The following TMEM33 variants were observed in gnomAD, a reference collection of about 807,000 sequenced individuals.
The protein encoded by TMEM33 is transmembrane protein 33.
Under a neutral mutation model 29.7 loss-of-function variants are expected in TMEM33, and 16 were observed. The ratio of observed to expected loss-of-function variants is 0.54; its 90% CI spans 0.36 to 0.82. The LOEUF (loss-of-function observed/expected upper bound fraction) is 0.82, where lower values mean the gene tolerates loss of function less well. Ranked by LOEUF, TMEM33 falls within the 40% of genes least tolerant of loss-of-function variation. TMEM33 has a pLI of 0.00. For synonymous variants in TMEM33, 112 were observed against 109.4 expected, an observed-to-expected ratio of 1.02 and a Z score of -0.15; for missense variants, 252 against 295.3, an observed-to-expected ratio of 0.85 and a Z score of 1.08.
rs192381689 is a variant in TMEM33 at position 41,958,521 on chromosome 4, T to C, written c.*4322T>C. On this transcript the variant is annotated 3_prime_UTR_variant, in exon 7 of 7. Coordinates refer to ENST00000504986, the MANE Select transcript of TMEM33 (RefSeq NM_018126.3). ...TTTCAGATGTGTAAAAAATGGTACT[T>C]AAAGTGTTTTCATGATCATTTTGTA... 1.4e-4 allele frequency: 21 copies of C among 151,676 alleles called. No homozygotes were observed. Among genetic ancestry groups the C allele is most frequent in the Admixed American group, 1.0e-3 (16 of 15,282 alleles). 9.4% of individuals were successfully genotyped at this position (151,676 alleles called of 1,614,324 possible). A position where few individuals can be genotyped will look rare whatever the true frequency, so the allele number is the denominator to read the frequency against.
intron 4 of TMEM33, 71 bp downstream of exon 4, chr4:41,943,885 T>G: frequency 1.4e-6 from 2 of 1,456,910 alleles, no homozygotes; most frequent in Non-Finnish European, 1.9e-6. Context: ...TCTAAGACAT[T>G]TTGGTATTTG....
intron 6 of TMEM33, 47 bp from the exon 7 acceptor site, chr4:41,954,023 A>G (rs1454968844): frequency 1.2e-6 from 2 of 1,605,468 alleles, no homozygotes; most frequent in African/African-American, 1.3e-5. Context: ...AAGCCTGTGT[A>G]TTGCTTTTTC....
chr4:41,946,248 A>G (rs1227731713), intron 5 of TMEM33, among the ~76,000 whole-genome samples: 1 of 152,074 alleles, frequency 6.6e-6, no homozygotes, highest in Admixed American at 6.5e-5. Context: ...TGCTAGTACA[A>G]GCTAGGTGCC....
chr4:41,958,701 T>TC lies in TMEM33; in HGVS notation c.*4502_*4503insC, dbSNP rs1491445726. On this transcript the variant is annotated 3_prime_UTR_variant, in exon 7 of 7. Coordinates refer to ENST00000504986, the MANE Select transcript of TMEM33 (RefSeq NM_018126.3). ...TAGAGACAACTAGTTTCTCTCGCTC[T>TC]TTTTTTTTTTTTTTTTTTTTTTTTT... is the stretch of plus-strand genomic sequence containing the variant. 4 of 95,516 alleles carry TC rather than the reference T, an allele frequency of 4.2e-5. No individual in the cohort carries two copies. The highest frequency in any genetic ancestry group is 2.9e-4 in the African/African-American group (4 of 13,670). The allele number at this position is 95,516 out of a possible 1,614,324, so 5.9% of individuals were successfully genotyped here.
rs1347968392 is a variant in TMEM33 at position 41,935,539 on chromosome 4, A to G, written c.45+10A>G. 1.9e-6 allele frequency: 3 copies of G among 1,602,384 alleles called. No homozygotes were observed. Among genetic ancestry groups the G allele is most frequent in the Non-Finnish European group, 2.6e-6 (3 of 1,174,680 alleles). On this transcript the variant is annotated intron_variant, in intron 1 of 6. Transcript: ENST00000504986. The stretch of plus-strand genomic sequence containing the variant: ...AGGGGCGGGCGCTGTGGTAAGTGCG[A>G]GGGCAGGGTAGTCTGGCTTGATTTG...
intron 2 of TMEM33, 50 bp from the exon 3 acceptor site, chr4:41,939,146 C>T: frequency 6.6e-7 from 1 of 1,506,286 alleles, no homozygotes; most frequent in South Asian, 1.4e-5. Context: ...GAGGAAGAGA[C>T]ACTGCAGTTG....
At chr4:41,940,801 CCTT>C (rs1001435673) in intron 3 of TMEM33, among the ~76,000 whole-genome samples, 3 of 135,156 alleles carry the variant, frequency 2.2e-5, no homozygotes, top group African/African-American at 9.0e-5. Context: ...GAGCGAGACT[CCTT>C]CTCAAAAAAA....
chr4:41,935,672 A>C, intron 1 of TMEM33, 143 bp downstream of exon 1: 1 of 844,556 alleles, frequency 1.2e-6, no homozygotes, highest in Non-Finnish European at 1.9e-6. Context: ...TGGAGCGGGG[A>C]GAGGGGAGGT....
rs377072766 is a variant in TMEM33, at chr4:41,936,839, A to G, written c.45+1310A>G. On this transcript the variant is annotated intron_variant, in intron 1 of 6. Transcript: ENST00000504986. Reference sequence around the variant, plus strand: ...TTTTGCAGCATATATAGGTACATCTAATATGTATATCTATATTATATATCA... The same window carrying G: ...TTTTGCAGCATATATAGGTACATCTGATATGTATATCTATATTATATATCA... Among the ~76,000 whole-genome samples, 8 of 152,344 alleles carry G rather than the reference A, an allele frequency of 5.3e-5. No individual in the cohort carries two copies. In the East Asian group the frequency reaches 1.5e-3, roughly 29 times the overall value.
chr4:41,942,212 G>C (rs1426827220), intron 3 of TMEM33, among the ~76,000 whole-genome samples: 1 of 152,150 alleles, frequency 6.6e-6, no homozygotes, highest in African/African-American at 2.4e-5. Context: ...CTTTTGGAGA[G>C]GGTTGTAGCT....
chr4:41,948,918 G>T (rs189182955), intron 5 of TMEM33, among the ~76,000 whole-genome samples: 9 of 151,904 alleles, frequency 5.9e-5, no homozygotes, highest in African/African-American at 2.2e-4. Context: ...TGGTGGAGGG[G>T]AGTGTTTGTT....
rs1482390760 is a variant in TMEM33 at position 41,943,799 on chromosome 4, G to A, written c.381G>A (p.Thr127=). The A allele has an allele frequency of 4.3e-6, 7 of 1,613,508 alleles. No homozygotes were observed. Among genetic ancestry groups the A allele is most frequent in the East Asian group, 4.5e-5 (2 of 44,798 alleles). ...CTTTGCTTCATGCTGCCACATATAC[G>A]AAAAAGGTCCTTGACGTAAGTAAAA... ...LFSLLHAATY[T]KKVLDARGSN... Residue 127 remains threonine, a synonymous_variant, in exon 4 of 7, where the codon ACG becomes ACA. Transcript: ENST00000504986.
At position 41,955,107 on chromosome 4, in the gene TMEM33, A is replaced by G. The variant is rs1263522959; in HGVS notation, c.*908A>G. 4 of 152,650 alleles carry G rather than the reference A, an allele frequency of 2.6e-5. No individual in the cohort carries two copies. The highest frequency in any genetic ancestry group is 1.5e-5 in the Non-Finnish European group (1 of 68,030). 9.5% of individuals were successfully genotyped at this position (152,650 alleles called of 1,614,324 possible). ...TTAGATGCCTTTTGAAAGGAATGTA[A>G]TGAAGATTCAGCATCTGACTATATG... On this transcript the variant is annotated 3_prime_UTR_variant, in exon 7 of 7. Coordinates refer to ENST00000504986, the MANE Select transcript of TMEM33 (RefSeq NM_018126.3).
chr4:41,943,927 T>C, intron 4 of TMEM33, 113 bp downstream of exon 4: 1 of 871,862 alleles, frequency 1.1e-6, no homozygotes, highest in African/African-American at 1.7e-5. Context: ...CTTACAAACT[T>C]GTTATGAATT....
chr4:41,937,409 T>C (rs1577646209), intron 1 of TMEM33, among the ~76,000 whole-genome samples: 1 of 152,196 alleles, frequency 6.6e-6, no homozygotes, highest in Non-Finnish European at 1.5e-5. Context: ...ATTTCTGAAA[T>C]TACCTACATG....
intron 3 of TMEM33, among the ~76,000 whole-genome samples, chr4:41,940,807 CAAAAAAAAA>C (rs11390153): frequency 1.9e-5 from 1 of 53,274 alleles, no homozygotes; most frequent in Non-Finnish European, 3.9e-5. Flanking sequence ...GACTCCTTCT[CAAAAAAAAA>C]AAAAAAAAAA....
At position 41,956,421 on chromosome 4, in the gene TMEM33, A is replaced by C. The variant is rs1408612280; in HGVS notation, c.*2222A>C. 6.6e-6 allele frequency: 1 copy of C among 152,212 alleles called. No homozygotes were observed. The highest frequency in any genetic ancestry group is 1.5e-5 in the Non-Finnish European group (1 of 68,042). 9.4% of individuals were successfully genotyped at this position (152,212 alleles called of 1,614,324 possible). ...GAACAATACTACTAACTGAAGTATA[A>C]AACTTATTTGAATTTCAACAGTTTT... is the stretch of plus-strand genomic sequence containing the variant. On this transcript the variant is annotated 3_prime_UTR_variant, in exon 7 of 7. Coordinates refer to ENST00000504986, the MANE Select transcript of TMEM33 (RefSeq NM_018126.3).
At chr4:41,941,267 T>G (rs1338752509) in intron 3 of TMEM33, among the ~76,000 whole-genome samples, 4 of 152,244 alleles carry the variant, frequency 2.6e-5, no homozygotes, top group Non-Finnish European at 2.9e-5. Flanking sequence ...GATAATCACA[T>G]TTGTTTGGCA....
Position 41,955,061 on chromosome 4 carries a change from T to C in TMEM33, c.*862T>C, listed in dbSNP as rs565231619. ...TTTCTTGGTTTCTTAGGCTTGAATT[T>C]TCATAGACAATTGCAACAGTTTAGA... On this transcript the variant is annotated 3_prime_UTR_variant, in exon 7 of 7. Transcript: ENST00000504986. The C allele has an allele frequency of 6.5e-6, 1 of 152,792 alleles. No homozygotes were observed. Among genetic ancestry groups the C allele is most frequent in the East Asian group, 1.9e-4 (1 of 5,192 alleles). The allele number at this position is 152,792 out of a possible 1,614,324, so 9.5% of individuals were successfully genotyped here. A position where few individuals can be genotyped will look rare whatever the true frequency, so the allele number is the denominator to read the frequency against.
Sources: allele counts gnomAD v4.1 joint callset (sites outside exome capture counted in the v4.1 genomes callset), GRCh38; gene constraint gnomAD v4.1.1; transcripts MANE v1.5; gene names NCBI Gene and HGNC (gene_info 2026-07-23, HGNC 2026-07-21).